The following FAM83B variants were observed in gnomAD, a reference collection of about 807,000 sequenced individuals.
FAM83B encodes the protein scaffolding CK1 anchoring protein B.
A neutral mutation model predicts 38.8 loss-of-function variants in FAM83B; 26 were observed. The observed-to-expected ratio is 0.67, with a 90% confidence interval of 0.49 to 0.93. FAM83B has a LOEUF of 0.93. Among genes scored for constraint, FAM83B ranks in the 40% least tolerant of loss-of-function variants. The pLI is 0.00. For missense variants in FAM83B, 1,237 were observed against 1,197.3 expected, an observed-to-expected ratio of 1.03 and a Z score of -0.49; for synonymous variants, 419 against 423.1, an observed-to-expected ratio of 0.99 and a Z score of 0.12.
intron 2 of FAM83B, among the ~76,000 whole-genome samples, chr6:54,880,883 TTAAA>T (rs139761844): frequency 0.02 from 3,075 of 152,292 alleles, 108 homozygotes; most frequent in African/African-American, 0.07. Context: ...TTCTTACCTA[TTAAA>T]TAAATAGAGA....
At chr6:54,856,109 T>C (rs913110619) in intron 1 of FAM83B, among the ~76,000 whole-genome samples, 3 of 152,108 alleles carry the variant, frequency 2.0e-5, no homozygotes, top group Non-Finnish European at 2.9e-5. Flanking sequence ...GGGGAAAGCT[T>C]AATTGAGAGA....
intron 2 of FAM83B, among the ~76,000 whole-genome samples, chr6:54,906,892 G>T (rs144593742): frequency 6.6e-6 from 1 of 152,202 alleles, no homozygotes; most frequent in African/African-American, 2.4e-5. Context: ...AGATACAGCA[G>T]GTATTATACA....
At chr6:54,888,730 T>A (rs889670189) in intron 2 of FAM83B, among the ~76,000 whole-genome samples, 2 of 151,926 alleles carry the variant, frequency 1.3e-5, no homozygotes, top group Admixed American at 6.6e-5. Context: ...GAACAGTTTT[T>A]AAATTTTTTT....
intron 2 of FAM83B, among the ~76,000 whole-genome samples, chr6:54,913,963 A>T (rs530363557): frequency 1.3e-5 from 2 of 152,144 alleles, no homozygotes; most frequent in African/African-American, 2.4e-5. Context: ...GAATAAAAAT[A>T]ATAATTAATA....
chr6:54,924,095 G>T (rs188360536), intron 2 of FAM83B, among the ~76,000 whole-genome samples: 52 of 151,672 alleles, frequency 3.4e-4, no homozygotes, highest in Admixed American at 3.4e-3. Context: ...TTGTCTTTCT[G>T]TGTCTGCCTT....
Position 54,940,874 on chromosome 6 carries a change from A to C in FAM83B, c.1903A>C (p.Asn635His), listed in dbSNP as rs1773665435. 2.5e-6 allele frequency: 4 copies of C among 1,613,960 alleles called. No individual in the cohort carries two copies. The highest frequency in any genetic ancestry group is 2.2e-5 in the East Asian group (1 of 44,872). The part of the protein sequence containing the change: ...NQTTNGHTES[N>H]NYIYKTLGVN... ...AACTACAAATGGCCATACTGAATCAAATAACTATATATATAAAACCTTGGG... is the reference window on the plus strand; with the variant it reads ...AACTACAAATGGCCATACTGAATCACATAACTATATATATAAAACCTTGGG... Residue 635 changes from asparagine (N) to histidine (H), a missense_variant, in exon 5 of 5, where the codon AAT becomes CAT. By Grantham distance (68) the Asn-to-His change is moderately conservative. Transcript: ENST00000306858.
chr6:54,911,090 T>G (rs568983941), intron 2 of FAM83B, among the ~76,000 whole-genome samples: 2 of 151,022 alleles, frequency 1.3e-5, no homozygotes, highest in Admixed American at 6.6e-5. Flanking sequence ...ATTTTTCTCC[T>G]GGGGGGTACA....
chr6:54,889,685 A>G (rs1245382130), intron 2 of FAM83B, among the ~76,000 whole-genome samples: 1 of 152,112 alleles, frequency 6.6e-6, no homozygotes, highest in Non-Finnish European at 1.5e-5. Context: ...TGTTTTTTAA[A>G]TCAAATATTT....
chr6:54,860,075 C>A (rs9464154), intron 1 of FAM83B, among the ~76,000 whole-genome samples: 3,095 of 150,568 alleles, frequency 0.021, 109 homozygotes, highest in African/African-American at 0.072. Context: ...GTGTGTTTTC[C>A]TTTTGTTTTT....
chr6:54,906,808 A>C (rs2127583347), intron 2 of FAM83B, among the ~76,000 whole-genome samples: 1 of 152,310 alleles, frequency 6.6e-6, no homozygotes, highest in Middle Eastern at 3.4e-3. Context: ...GATTTGATAG[A>C]GGATGTTGCT....
chr6:54,913,885 G>A (rs1263656959), intron 2 of FAM83B, among the ~76,000 whole-genome samples: 1 of 150,468 alleles, frequency 6.6e-6, no homozygotes, highest in Non-Finnish European at 1.5e-5. Context: ...TTGTTTCAAT[G>A]TGATTGTCTT....
At chr6:54,879,406 T>TA (rs1205027428) in intron 2 of FAM83B, among the ~76,000 whole-genome samples, 7 of 152,174 alleles carry the variant, frequency 4.6e-5, no homozygotes, top group Non-Finnish European at 8.8e-5. Context: ...TCCCAACACT[T>TA]AGTCTTTTCA....
At chr6:54,860,173 C>A (rs1771543405) in intron 1 of FAM83B, among the ~76,000 whole-genome samples, 1 of 151,970 alleles carries the variant, frequency 6.6e-6, no homozygotes, top group African/African-American at 2.4e-5. Context: ...AGCTTTTCTG[C>A]ATGTTATTAA....
At chr6:54,922,523 A>G (rs1773193847) in intron 2 of FAM83B, among the ~76,000 whole-genome samples, 1 of 152,036 alleles carries the variant, frequency 6.6e-6, no homozygotes, top group African/African-American at 2.4e-5. Context: ...TATATTTGAC[A>G]TTATGAAAAG....
rs753921594 is a variant in FAM83B at position 54,870,677 on chromosome 6, A to G, written c.431A>G (p.Lys144Arg). 1 of 1,588,422 alleles carries G rather than the reference A, an allele frequency of 6.3e-7. No individual in the cohort carries two copies. The highest frequency in any genetic ancestry group is 1.1e-5 in the South Asian group (1 of 87,780). Residue 144 changes from lysine (K) to arginine (R), a missense_variant, in exon 2 of 5, where the codon AAA (lysine) becomes AGA (arginine). Transcript: ENST00000306858. ...TIKETIRKMI[K>R]EARKVIALVM... ...AAAGAAACTATTCGGAAGATGATAA[A>G]AGAAGCAAGAAAGGTAATAACATTT...
At chr6:54,916,754 A>G (rs1773049417) in intron 2 of FAM83B, among the ~76,000 whole-genome samples, 1 of 152,208 alleles carries the variant, frequency 6.6e-6, no homozygotes, top group African/African-American at 2.4e-5. Context: ...TCTTCTGGAT[A>G]GTACACAGAT....
rs1773031522 is a variant in FAM83B, at chr6:54,916,102, T to C, written c.445-10269T>C. On this transcript the variant is annotated intron_variant, in intron 2 of 4. Transcript: ENST00000306858. ...GGGCCTCTAGCTGTTTCTGCTGTAGTGCTGCTTTGCCGCTGAACCTTCCTA... is the reference window on the plus strand; with the variant it reads ...GGGCCTCTAGCTGTTTCTGCTGTAGCGCTGCTTTGCCGCTGAACCTTCCTA... Among the ~76,000 whole-genome samples, 3 of 152,294 alleles carry C rather than the reference T, an allele frequency of 2.0e-5. No homozygotes were observed. The South Asian group carries it at 6.2e-4, about 32-fold the overall frequency.
chr6:54,861,518 C>A (rs1771581949), intron 1 of FAM83B, among the ~76,000 whole-genome samples: 1 of 152,146 alleles, frequency 6.6e-6, no homozygotes, highest in African/African-American at 2.4e-5. Flanking sequence ...GATTGTGACA[C>A]TGCTGACAGA....
chr6:54,926,352 A>C lies in FAM83B; in HGVS notation c.445-19A>C. On this transcript the variant is annotated intron_variant, in intron 2 of 4. Coordinates refer to ENST00000306858, the MANE Select transcript of FAM83B (RefSeq NM_001010872.3). The stretch of plus-strand genomic sequence containing the variant: ...TCTATCAAGGATCTAAAATTGTTTC[A>C]TATTCTTATATTTAACAGGTCATTG... 2.0e-6 allele frequency: 3 copies of C among 1,488,884 alleles called. No homozygotes were observed. The highest frequency in any genetic ancestry group is 2.7e-6 in the Non-Finnish European group (3 of 1,098,470). 92.2% of individuals were successfully genotyped at this position (1,488,884 alleles called of 1,614,324 possible).
Sources: allele counts gnomAD v4.1 joint callset (sites outside exome capture counted in the v4.1 genomes callset), GRCh38; gene constraint gnomAD v4.1.1; transcripts MANE v1.5; gene names NCBI Gene and HGNC (gene_info 2026-07-23, HGNC 2026-07-21).